The following SKAP1 variants were observed in gnomAD, a reference collection of about 807,000 sequenced individuals.
SKAP1 encodes src kinase associated phosphoprotein 1.
SKAP1 carries 44 observed loss-of-function variants against 58.5 expected under a neutral mutation model. The ratio of observed to expected loss-of-function variants is 0.75; its 90% CI spans 0.59 to 0.97. The LOEUF (loss-of-function observed/expected upper bound fraction) is 0.97, where lower values mean the gene tolerates loss of function less well. SKAP1 is among the 50% of genes least tolerant of loss of function. SKAP1 has a pLI of 0.00. For synonymous variants in SKAP1, 127 were observed against 149.7 expected, an observed-to-expected ratio of 0.85 and a Z score of 1.11; for missense variants, 390 against 435.2, an observed-to-expected ratio of 0.90 and a Z score of 0.92.
chr17:48,301,136 C>T (rs901395689), intron 4 of SKAP1, among the ~76,000 whole-genome samples: 5 of 152,008 alleles, frequency 3.3e-5, no homozygotes, highest in African/African-American at 9.7e-5. Flanking sequence ...ACCATTTATC[C>T]CTTTCATTCT....
At chr17:48,147,592 T>C (rs2063847190) in intron 11 of SKAP1, among the ~76,000 whole-genome samples, 1 of 152,040 alleles carries the variant, frequency 6.6e-6, no homozygotes. Flanking sequence ...GCACAGATAG[T>C]TTTATGAAGA....
At chr17:48,315,823 T>C (rs1453351351) in intron 4 of SKAP1, among the ~76,000 whole-genome samples, 1 of 152,194 alleles carries the variant, frequency 6.6e-6, no homozygotes, top group South Asian at 2.1e-4. Flanking sequence ...TAAAGTTACC[T>C]TCAGACTATG....
intron 10 of SKAP1, among the ~76,000 whole-genome samples, chr17:48,166,065 A>G (rs1416638312): frequency 6.6e-6 from 1 of 152,240 alleles, no homozygotes; most frequent in Non-Finnish European, 1.5e-5. Context: ...ACCTAGAGCA[A>G]TAATGACACC....
intron 4 of SKAP1, among the ~76,000 whole-genome samples, chr17:48,325,577 C>G (rs939794160): frequency 5.9e-5 from 9 of 152,086 alleles, no homozygotes; most frequent in African/African-American, 1.4e-4. Context: ...GTCAGAACTC[C>G]CTGTTTTCCT....
chr17:48,163,479 T>G (rs1308158323), intron 10 of SKAP1, among the ~76,000 whole-genome samples: 1 of 152,192 alleles, frequency 6.6e-6, no homozygotes, highest in Non-Finnish European at 1.5e-5. Context: ...GATCTGGGGA[T>G]TTGAATGGCA....
intron 4 of SKAP1, among the ~76,000 whole-genome samples, chr17:48,266,886 G>A (rs1227402997): frequency 6.6e-6 from 1 of 152,090 alleles, no homozygotes; most frequent in Non-Finnish European, 1.5e-5. Context: ...AATTACTAGA[G>A]AGAATTATTG....
rs144522716 is a variant in SKAP1 at position 48,328,322 on chromosome 17, A to T, written c.280+17583T>A. Among the ~76,000 whole-genome samples the T allele has an allele frequency of 4.0e-3, 615 of 152,348 alleles. 8 individuals are homozygous for T. The highest frequency in any genetic ancestry group is 0.014 in the African/African-American group (589 of 41,568). On this transcript the variant is annotated intron_variant, in intron 4 of 12. Coordinates refer to ENST00000336915, the MANE Select transcript of SKAP1 (RefSeq NM_003726.4). ...TTAAATACTTTTATAATGAAAAAAT[A>T]TTTTAATGTGTTGGAAAAATCTATC... is the stretch of plus-strand genomic sequence containing the variant.
chr17:48,334,563 T>A (rs1361947791), intron 4 of SKAP1, among the ~76,000 whole-genome samples: 1 of 151,800 alleles, frequency 6.6e-6, no homozygotes, highest in Admixed American at 6.6e-5. Flanking sequence ...ATTTTATCTG[T>A]CTCATGAAAG....
At chr17:48,331,686 G>A (rs2066509671) in intron 4 of SKAP1, among the ~76,000 whole-genome samples, 1 of 149,508 alleles carries the variant, frequency 6.7e-6, no homozygotes, top group Non-Finnish European at 1.5e-5. Flanking sequence ...TAAAAAGAGC[G>A]AAACTCCGTC....
chr17:48,440,683 G>A, the SKAP1 span, among the ~76,000 whole-genome samples: 2 of 152,312 alleles, frequency 1.3e-5, no homozygotes, highest in East Asian at 3.9e-4. Flanking sequence ...TGGTTAATGT[G>A]AGGATCCTCC....
rs181102254 is a variant in SKAP1 at position 48,141,569 on chromosome 17, G to A, written c.979-4232C>T. The stretch of plus-strand genomic sequence containing the variant: ...TTTTTGTATTTTTAGTAGAGATGGG[G>A]TTTCACCATATTGGCCAGTCTGGTC... On this transcript the variant is annotated intron_variant, in intron 11 of 12. Transcript: ENST00000336915. 3.9e-5 allele frequency among the ~76,000 whole-genome samples: 6 copies of A among 151,914 alleles called. No individual in the cohort carries two copies. In the East Asian group the frequency reaches 1.2e-3, roughly 29 times the overall value.
intron 1 of SKAP1, among the ~76,000 whole-genome samples, chr17:48,406,981 C>T (rs2067594911): frequency 6.6e-6 from 1 of 152,126 alleles, no homozygotes; most frequent in Admixed American, 6.6e-5. Context: ...CAGGCATGAG[C>T]CATCGTGTTT....
chr17:48,384,675 C>G (rs2144493501), intron 2 of SKAP1, among the ~76,000 whole-genome samples: 1 of 152,288 alleles, frequency 6.6e-6, no homozygotes, highest in Non-Finnish European at 1.5e-5. Flanking sequence ...TATGTAAACT[C>G]TAGACCAAGC....
At chr17:48,151,772 C>T (rs1285031854) in intron 11 of SKAP1, among the ~76,000 whole-genome samples, 2 of 152,142 alleles carry the variant, frequency 1.3e-5, no homozygotes, top group Non-Finnish European at 2.9e-5. Context: ...AGAATATTAT[C>T]AGGAACAGAG....
At chr17:48,219,366 C>A (rs1382305309) in intron 4 of SKAP1, among the ~76,000 whole-genome samples, 6 of 152,220 alleles carry the variant, frequency 3.9e-5, no homozygotes, top group Non-Finnish European at 7.3e-5. Flanking sequence ...CATCCACAAA[C>A]CTTTTTGAAA....
chr17:48,356,555 A>G (rs1402404848), intron 3 of SKAP1, among the ~76,000 whole-genome samples: 1 of 152,152 alleles, frequency 6.6e-6, no homozygotes, highest in East Asian at 1.9e-4. Flanking sequence ...TGTATCTAAT[A>G]TAACAAGGGT....
chr17:48,211,240 G>A (rs553983262), intron 4 of SKAP1, among the ~76,000 whole-genome samples: 29 of 152,256 alleles, frequency 1.9e-4, no homozygotes, highest in African/African-American at 6.5e-4. Context: ...CCAGGAGTTT[G>A]AGACCAGGCT....
chr17:48,187,766 G>A, intron 6 of SKAP1, 77 bp downstream of exon 6: 1 of 993,374 alleles, frequency 1.0e-6, no homozygotes, highest in South Asian at 1.4e-5. Context: ...TGCTATCTTG[G>A]GATCTAAGTG....
chr17:48,155,721 G>A (rs983038029), intron 11 of SKAP1, among the ~76,000 whole-genome samples: 1 of 152,102 alleles, frequency 6.6e-6, no homozygotes, highest in Non-Finnish European at 1.5e-5. Flanking sequence ...GCTGGGTGCC[G>A]TGGCACTTGC....
Sources: gnomAD v4.1 joint callset for allele counts (sites outside exome capture counted in the v4.1 genomes callset) on GRCh38, gnomAD v4.1.1 for gene constraint, MANE v1.5 for transcripts, NCBI Gene and HGNC (gene_info 2026-07-23, HGNC 2026-07-21) for gene names.